The following RNF146 variants were observed in gnomAD, a reference collection of about 807,000 sequenced individuals.
The protein encoded by RNF146 is E3 ubiquitin-protein ligase RNF146.
RNF146 carries 11 observed loss-of-function variants against 29.7 expected under a neutral mutation model. The observed-to-expected ratio is 0.37, with a 90% CI of 0.23 to 0.61. RNF146 has a LOEUF of 0.61. RNF146 is among the 20% of genes least tolerant of loss of function. The pLI, the probability that RNF146 is intolerant of heterozygous loss-of-function variation, is 0.66. For missense variants in RNF146, 342 were observed against 438.9 expected (o/e 0.78, Z 1.97); for synonymous variants, 150 against 159.7 (o/e 0.94, Z 0.46).
intron 1 of RNF146, among the ~76,000 whole-genome samples, chr6:127,273,262 C>T (rs12175928): frequency 0.13 from 19,841 of 152,152 alleles, 2,563 homozygotes; most frequent in East Asian, 0.56. Flanking sequence ...ATAATAGCAA[C>T]AGGAAATTAT....
At chr6:127,276,731 GCAGCAGT>G (rs1778261569) in intron 1 of RNF146, among the ~76,000 whole-genome samples, 1 of 152,036 alleles carries the variant, frequency 6.6e-6, no homozygotes, top group South Asian at 2.1e-4. Context: ...TTTCAGAGAG[GCAGCAGT>G]TTAGGTGACA....
intron 2 of RNF146, among the ~76,000 whole-genome samples, chr6:127,284,661 C>G (rs1360721538): frequency 3.3e-5 from 5 of 151,870 alleles, no homozygotes; most frequent in Non-Finnish European, 7.4e-5. Context: ...CATATGCCTT[C>G]TTTTGTAACT....
chr6:127,280,525 TCTC>T (rs763023417), intron 2 of RNF146, 185 bp downstream of exon 2: 1 of 1,255,860 alleles, frequency 8.0e-7, no homozygotes, highest in Non-Finnish European at 1.0e-6. Flanking sequence ...GATTTCCAAG[TCTC>T]CTCAAAAGGA....
intron 2 of RNF146, among the ~76,000 whole-genome samples, chr6:127,285,008 G>A (rs901317696): frequency 2.0e-5 from 3 of 151,788 alleles, no homozygotes; most frequent in Non-Finnish European, 4.4e-5. Context: ...CTTTCCATAG[G>A]TTAGGAGAAA....
At position 127,286,503 on chromosome 6, in the gene RNF146, T is replaced by C; in HGVS notation, c.3-113T>C. On this transcript the variant is annotated intron_variant, in intron 2 of 2. Coordinates refer to ENST00000368314, the MANE Select transcript of RNF146 (RefSeq NM_001242850.2). The surrounding 1 kb of genome is among the most constrained non-coding windows in gnomAD (Gnocchi z 4.6). Reference sequence around the variant, plus strand: ...TCATCTTCATATCCCCATTGTCTAGTATGTGGCTTGCATATAATGCACATC... The same window carrying C: ...TCATCTTCATATCCCCATTGTCTAGCATGTGGCTTGCATATAATGCACATC... The C allele has an allele frequency of 1.0e-6, 1 of 983,888 alleles. No individual in the cohort carries two copies. The highest frequency in any genetic ancestry group is 1.5e-6 in the Non-Finnish European group (1 of 678,128). 60.9% of individuals were successfully genotyped at this position (983,888 alleles called of 1,614,324 possible). A position where few individuals can be genotyped will look rare whatever the true frequency, so the allele number is the denominator to read the frequency against.
rs1049013624 is a variant in RNF146 at position 127,274,172 on chromosome 6, AT to A, written c.-108-6050del. 5.9e-5 allele frequency among the ~76,000 whole-genome samples: 9 copies of A among 151,500 alleles called. No homozygotes were observed. The South Asian group carries it at 6.2e-4, about 11-fold the overall frequency. ...GAATGCATCTCCTTGAATTAACCAGATTTTTTTTTAGTACCTTTGTTCTAGT... is the reference window on the plus strand; with the variant it reads ...GAATGCATCTCCTTGAATTAACCAGATTTTTTTTAGTACCTTTGTTCTAGT... On this transcript the variant is annotated intron_variant, in intron 1 of 2. Coordinates refer to ENST00000368314, the MANE Select transcript of RNF146 (RefSeq NM_001242850.2).
At chr6:127,278,087 T>G (rs1778469062) in intron 1 of RNF146, among the ~76,000 whole-genome samples, 1 of 152,050 alleles carries the variant, frequency 6.6e-6, no homozygotes, top group Admixed American at 6.6e-5. Flanking sequence ...CTCTATCTTG[T>G]GTTTACTGTG....
chr6:127,280,242 A>G lies in RNF146; in HGVS notation c.-97A>G. ...TTTTTCTTTTGCAGCACAAAGAATG[A>G]ACCAGCAGTGGAAGAGAAAATACTG... On this transcript the variant is annotated 5_prime_UTR_variant, in exon 2 of 3. Coordinates refer to ENST00000368314, the MANE Select transcript of RNF146 (RefSeq NM_001242850.2). 1 of 1,172,050 alleles carries G rather than the reference A, an allele frequency of 8.5e-7. No homozygotes were observed. Among genetic ancestry groups the G allele is most frequent in the South Asian group, 1.3e-5 (1 of 74,516 alleles). 72.6% of individuals were successfully genotyped at this position (1,172,050 alleles called of 1,614,324 possible). A position where few individuals can be genotyped will look rare whatever the true frequency, so the allele number is the denominator to read the frequency against.
Position 127,286,740 on chromosome 6 carries a change from A to G in RNF146, c.127A>G (p.Thr43Ala). Residue 43 changes from threonine to alanine, a missense_variant, in exon 3 of 3, where the codon ACA becomes GCA. Thr to Ala is a moderately conservative substitution (Grantham distance 58). Transcript: ENST00000368314. This position sits in a 1 kb window ranked among gnomAD's most constrained non-coding sequence, Gnocchi z 4.6. ...TVPECAICLQ[T>A]CVHPVSLPCK... is the part of the protein sequence containing the mutation. ...CCCTGAATGTGCCATTTGTCTGCAA[A>G]CATGTGTTCATCCAGTCAGTCTGCC... is the stretch of plus-strand genomic sequence containing the variant. 6.2e-7 allele frequency: 1 copy of G among 1,613,354 alleles called. No individual in the cohort carries two copies. Among genetic ancestry groups the G allele is most frequent in the African/African-American group, 1.3e-5 (1 of 74,928 alleles).
At chr6:127,274,487 G>A (rs1456338881) in intron 1 of RNF146, among the ~76,000 whole-genome samples, 1 of 152,128 alleles carries the variant, frequency 6.6e-6, no homozygotes, top group East Asian at 1.9e-4. Context: ...ATGCATTCAG[G>A]AGATAAGGAG....
Position 127,286,633 on chromosome 6 carries a change from A to T in RNF146, c.20A>T (p.Glu7Val). 6.2e-7 allele frequency: 1 copy of T among 1,608,940 alleles called. No individual in the cohort carries two copies. The highest frequency in any genetic ancestry group is 1.7e-4 in the Middle Eastern group (1 of 6,032). Reference sequence around the variant, plus strand: ...TTTCTTAGGATGGCTGGCTGTGGTGAAATTGATCATTCAATAAACATGCTT... The same window carrying T: ...TTTCTTAGGATGGCTGGCTGTGGTGTAATTGATCATTCAATAAACATGCTT... MMAGCG[E>V]IDHSINMLPT... The change falls in exon 3 of 3, where the codon GAA (glutamate) becomes GTA (valine). Residue 7 changes from glutamate (E) to valine (V), a missense_variant. This residue lies in a region of RNF146 where 39 missense variants were observed against 43.1 expected (regional missense o/e 0.90). Coordinates refer to ENST00000368314, the MANE Select transcript of RNF146 (RefSeq NM_001242850.2). The surrounding 1 kb of genome is among the most constrained non-coding windows in gnomAD (Gnocchi z 4.6).
At chr6:127,279,211 G>A (rs1317980622) in intron 1 of RNF146, among the ~76,000 whole-genome samples, 1 of 151,840 alleles carries the variant, frequency 6.6e-6, no homozygotes, top group African/African-American at 2.4e-5. Flanking sequence ...AGGCCATGAA[G>A]ATTTGCTCCT....
At chr6:127,266,716 G>C (rs1032405574), upstream of RNF146, 1 of 152,298 alleles carries the variant, frequency 6.6e-6, no homozygotes, top group Non-Finnish European at 1.5e-5. Context: ...ACAGGCAAGA[G>C]AGTACCGGCA....
Position 127,274,572 on chromosome 6 carries a change from G to T in RNF146, c.-108-5659G>T, listed in dbSNP as rs1777935738. On this transcript the variant is annotated intron_variant, in intron 1 of 2. Transcript: ENST00000368314. ...CCTTCTACACATCTCAATTATTAAA[G>T]TACAAATAGTGATTGAACGAAATTT... is the stretch of plus-strand genomic sequence containing the variant. Among the ~76,000 whole-genome samples the T allele has an allele frequency of 1.3e-5, 2 of 152,136 alleles. 1 individual carries two copies. The highest frequency in any genetic ancestry group is 2.9e-5 in the Non-Finnish European group (2 of 68,016).
upstream of RNF146, chr6:127,266,768 G>C (rs889302852): frequency 6.6e-6 from 1 of 152,100 alleles, no homozygotes. Flanking sequence ...AGGCGCCGGA[G>C]TTAGCTCGCC....
chr6:127,283,053 A>T (rs1779106242), intron 2 of RNF146, among the ~76,000 whole-genome samples: 1 of 151,762 alleles, frequency 6.6e-6, no homozygotes, highest in Admixed American at 6.6e-5. Context: ...AGTTTCAAGG[A>T]AATCTGAGTT....
At chr6:127,279,533 T>C (rs1248685207) in intron 1 of RNF146, among the ~76,000 whole-genome samples, 1 of 150,566 alleles carries the variant, frequency 6.6e-6, no homozygotes, top group Non-Finnish European at 1.5e-5. Context: ...TTGTAGTAAG[T>C]TTTGACATTG....
At chr6:127,274,977 T>C (rs1402586635) in intron 1 of RNF146, among the ~76,000 whole-genome samples, 1 of 152,140 alleles carries the variant, frequency 6.6e-6, no homozygotes, top group Non-Finnish European at 1.5e-5. Context: ...TAAGAGCAAA[T>C]TGACTTTTGA....
Position 127,286,285 on chromosome 6 carries a change from G to A in RNF146, c.3-331G>A. ...TTTCTTGTCTAGCATTCATTTCACT[G>A]TATAATAGCTGCCATGATTCAAGGT... On this transcript the variant is annotated intron_variant, in intron 2 of 2. Transcript: ENST00000368314. The surrounding 1 kb of genome is among the most constrained non-coding windows in gnomAD (Gnocchi z 4.6). 1.2e-6 allele frequency: 1 copy of A among 835,960 alleles called. No homozygotes were observed. The highest frequency in any genetic ancestry group is 1.6e-6 in the Non-Finnish European group (1 of 616,810). 51.8% of individuals were successfully genotyped at this position (835,960 alleles called of 1,614,324 possible).
Sources: allele counts gnomAD v4.1 joint callset (sites outside exome capture counted in the v4.1 genomes callset), GRCh38; gene constraint gnomAD v4.1.1; regional missense constraint gnomAD v4.1.1; non-coding constraint Gnocchi (gnomAD v3.1); transcripts MANE v1.5; gene names NCBI Gene and HGNC (gene_info 2026-07-23, HGNC 2026-07-21).